The following REPS2 variants were observed in gnomAD, a reference collection of about 807,000 sequenced individuals.
REPS2 encodes RALBP1 associated Eps domain containing 2.
A neutral mutation model predicts 53.6 loss-of-function variants in REPS2; 23 were observed. The ratio of observed to expected loss-of-function variants is 0.43; its 90% CI spans 0.31 to 0.61. The LOEUF is 0.61. Ranked by LOEUF, REPS2 falls within the 20% of genes least tolerant of loss-of-function variation. The pLI, the probability that REPS2 is intolerant of heterozygous loss-of-function variation, is 0.11. For synonymous variants in REPS2, 238 were observed against 218.6 expected, an observed-to-expected ratio of 1.09 and a Z score of -0.78; for missense variants, 446 against 534.9, an observed-to-expected ratio of 0.83 and a Z score of 1.64.
At chrX:17,123,091 G>C (rs1235920418) in intron 14 of REPS2, among the ~76,000 whole-genome samples, 1 of 112,181 alleles carries the variant, frequency 8.9e-6, no homozygotes, top group Non-Finnish European at 1.9e-5. Context: ...TCATAATGAA[G>C]TGCCTTTCAA....
In REPS2 at chrX:17,077,316, G is replaced by A; in HGVS notation, c.1425G>A (p.Glu475=). 1 of 1,208,936 alleles carries A rather than the reference G, an allele frequency of 8.3e-7. No homozygotes were observed. Among genetic ancestry groups the A allele is most frequent in the Non-Finnish European group, 1.1e-6 (1 of 893,926 alleles). ...TAGAAGAGGCCATGAAAAGGGGCGAGGACCCTCCCACCCCGCCACCTCGGC... is the reference window on the plus strand; with the variant it reads ...TAGAAGAGGCCATGAAAAGGGGCGAAGACCCTCCCACCCCGCCACCTCGGC... ...TSIEEAMKRG[E]DPPTPPPRPQ... The change falls in exon 13 of 18, where the codon GAG becomes GAA. Residue 475 remains glutamate, a synonymous_variant. Coordinates refer to ENST00000357277, the MANE Select transcript of REPS2 (RefSeq NM_004726.3).
chrX:17,038,128 T>C (rs921697190), intron 5 of REPS2, among the ~76,000 whole-genome samples: 2 of 112,732 alleles, frequency 1.8e-5, no homozygotes, highest in Non-Finnish European at 3.7e-5. Context: ...TCTTGCTCTC[T>C]AGGTGCTTGC....
chrX:17,056,415 C>T (rs772019152), intron 8 of REPS2, among the ~76,000 whole-genome samples: 11 of 112,163 alleles, frequency 9.8e-5, no homozygotes, highest in South Asian at 3.7e-4. Flanking sequence ...ATTAGCCGGG[C>T]GCAGTGGCTC....
chrX:17,122,307 C>T (rs1603081340), intron 14 of REPS2, among the ~76,000 whole-genome samples: 1 of 111,672 alleles, frequency 9.0e-6, no homozygotes, highest in East Asian at 2.8e-4. Context: ...TGGAATTATG[C>T]GGTATATACT....
intron 5 of REPS2, among the ~76,000 whole-genome samples, chrX:17,036,017 G>A (rs949672130): frequency 9.8e-5 from 11 of 111,686 alleles, no homozygotes; most frequent in African/African-American, 2.3e-4. Context: ...CCTTGTCTGC[G>A]TCTTGTGTAA....
chrX:17,174,496 G>T, the REPS2 span, among the ~76,000 whole-genome samples: 1 of 111,657 alleles, frequency 9.0e-6, no homozygotes, highest in East Asian at 2.8e-4. Context: ...GTGCAGCCAG[G>T]GTTGAGACCC....
At chrX:17,032,751 A>AG (rs1386601136) in intron 5 of REPS2, among the ~76,000 whole-genome samples, 2 of 112,157 alleles carry the variant, frequency 1.8e-5, no homozygotes, top group African/African-American at 6.5e-5. Flanking sequence ...GGAAGCCTTT[A>AG]GGGACTCCCA....
chrX:17,109,523 A>T (rs779396312), intron 14 of REPS2, among the ~76,000 whole-genome samples: 1 of 111,187 alleles, frequency 9.0e-6, no homozygotes. Flanking sequence ...TAGGGGATGT[A>T]CTCAGACCCT....
At chrX:17,022,048 T>G (rs990439235) in intron 2 of REPS2, 75 bp from the exon 3 acceptor site, 3 of 920,226 alleles carry the variant, frequency 3.3e-6, no homozygotes, top group Non-Finnish European at 4.5e-6. Flanking sequence ...ATTCATCGTT[T>G]GGCCATTGAG....
At chrX:16,969,762 G>A (rs1363607919) in intron 1 of REPS2, among the ~76,000 whole-genome samples, 1 of 77,614 alleles carries the variant, frequency 1.3e-5, no homozygotes, top group Non-Finnish European at 2.3e-5. Context: ...CCGAGAGGGA[G>A]AGGGAGAGAG....
At chrX:17,039,048 G>T (rs895197155) in intron 5 of REPS2, among the ~76,000 whole-genome samples, 12 of 112,114 alleles carry the variant, frequency 1.1e-4, no homozygotes, top group African/African-American at 1.9e-4. Context: ...TCTGAACTCA[G>T]ACTGCCTTGA....
At chrX:17,147,166 G>A (rs2063524126) in intron 17 of REPS2, among the ~76,000 whole-genome samples, 1 of 111,695 alleles carries the variant, frequency 9.0e-6, no homozygotes, top group Non-Finnish European at 1.9e-5. Flanking sequence ...CAGGGTGGTA[G>A]AGGGGAGTAG....
At chrX:16,976,689 A>G (rs1254495713) in intron 1 of REPS2, among the ~76,000 whole-genome samples, 1 of 111,646 alleles carries the variant, frequency 9.0e-6, no homozygotes, top group Non-Finnish European at 1.9e-5. Context: ...GTTCTTCAAG[A>G]ACTCACCTAC....
chrX:16,953,750 C>T (rs1300565162), intron 1 of REPS2, among the ~76,000 whole-genome samples: 1 of 111,257 alleles, frequency 9.0e-6, no homozygotes, highest in Non-Finnish European at 1.9e-5. Flanking sequence ...CTCATTGTTA[C>T]AGTGCGGTAG....
intron 5 of REPS2, among the ~76,000 whole-genome samples, chrX:17,038,563 G>T (rs1156868645): frequency 1.8e-5 from 2 of 112,723 alleles, no homozygotes; most frequent in Non-Finnish European, 3.7e-5. Context: ...TTCCCTGCCT[G>T]TAACTTGGGT....
intron 1 of REPS2, 96 bp from the exon 2 acceptor site, chrX:17,006,125 C>T (rs1349479360): frequency 9.9e-7 from 1 of 1,012,669 alleles, no homozygotes; most frequent in Non-Finnish European, 1.4e-6. Flanking sequence ...TTTGGTTAGC[C>T]ACTAGGTGAA....
At chrX:17,087,557 T>C (rs1268005034) in intron 13 of REPS2, among the ~76,000 whole-genome samples, 1 of 112,211 alleles carries the variant, frequency 8.9e-6, no homozygotes, top group Non-Finnish European at 1.9e-5. Flanking sequence ...CAAGGAACTT[T>C]GGTGTGGAGA....
chrX:16,958,976 AAGG>A (rs1351291473), intron 1 of REPS2, among the ~76,000 whole-genome samples: 2 of 112,443 alleles, frequency 1.8e-5, no homozygotes, highest in African/African-American at 3.2e-5. Flanking sequence ...GACCTCCATG[AAGG>A]AGAAGAGAGG....
chrX:17,181,175 C>G, the REPS2 span, among the ~76,000 whole-genome samples: 7 of 112,602 alleles, frequency 6.2e-5, no homozygotes, highest in Admixed American at 3.7e-4. Context: ...CCCTCACCCC[C>G]CTAGGGGGAA....
Sources: gnomAD v4.1 joint callset for allele counts (sites outside exome capture counted in the v4.1 genomes callset) on GRCh38, gnomAD v4.1.1 for gene constraint, MANE v1.5 for transcripts, NCBI Gene and HGNC (gene_info 2026-07-23, HGNC 2026-07-21) for gene names.